The following INTS6 variants were observed in gnomAD, a reference collection of about 807,000 sequenced individuals.
The protein encoded by INTS6 is DEAD box protein.
Under a neutral mutation model 104.9 loss-of-function variants are expected in INTS6, and 16 were observed. That is an observed-to-expected ratio of 0.15 (90% CI 0.10 to 0.23). The LOEUF (loss-of-function observed/expected upper bound fraction) is 0.23. Ranked by LOEUF, INTS6 falls within the 10% of genes least tolerant of loss-of-function variation. The pLI, the probability that INTS6 is intolerant of heterozygous loss-of-function variation, is 1.00. For missense variants in INTS6, 584 were observed against 1,062.8 expected (o/e 0.55, Z 6.26); for synonymous variants, 324 against 358.7 (o/e 0.90, Z 1.09).
At chr13:51,429,454 T>C (rs111888617) in intron 4 of INTS6, among the ~76,000 whole-genome samples, 5 of 152,078 alleles carry the variant, frequency 3.3e-5, no homozygotes, top group East Asian at 3.9e-4. Flanking sequence ...TGCTGTAGAA[T>C]AGATAAGGTT....
At chr13:51,373,775 T>G (rs1436343708) in intron 15 of INTS6, among the ~76,000 whole-genome samples, 1 of 152,180 alleles carries the variant, frequency 6.6e-6, no homozygotes, top group African/African-American at 2.4e-5. Context: ...ACTTCCAATA[T>G]CTGTTCAATG....
intron 2 of INTS6, 124 bp downstream of exon 2, chr13:51,451,854 G>A (rs890500867): frequency 1.6e-6 from 1 of 611,134 alleles, no homozygotes; most frequent in Admixed American, 2.3e-5. Flanking sequence ...AGAGACCTCA[G>A]CGGCTGGGAG....
chr13:51,345,087 A>C, the INTS6 span, among the ~76,000 whole-genome samples: 1 of 152,138 alleles, frequency 6.6e-6, no homozygotes, highest in Non-Finnish European at 1.5e-5. Context: ...ACGTTTACTG[A>C]GTGTTTAGTT....
intron 3 of INTS6, among the ~76,000 whole-genome samples, chr13:51,433,037 C>A (rs748067678): frequency 2.0e-5 from 3 of 152,222 alleles, no homozygotes; most frequent in Non-Finnish European, 2.9e-5. Flanking sequence ...AGCTAAACTA[C>A]TTTTGTTGAC....
chr13:51,358,787 G>A (rs1955518871), downstream of INTS6, among the ~76,000 whole-genome samples: 2 of 152,040 alleles, frequency 1.3e-5, no homozygotes, highest in Admixed American at 1.3e-4. Context: ...CCAGGAGGGA[G>A]GGTAGGAAGA....
At chr13:51,400,059 T>C (rs1460880492) in intron 4 of INTS6, among the ~76,000 whole-genome samples, 2 of 152,220 alleles carry the variant, frequency 1.3e-5, no homozygotes, top group Non-Finnish European at 2.9e-5. Flanking sequence ...TAGATTCTCA[T>C]AGGAGCATGA....
chr13:51,445,378 T>C (rs557634697), intron 3 of INTS6: 2 of 152,298 alleles, frequency 1.3e-5, no homozygotes, highest in Non-Finnish European at 2.9e-5. Context: ...GTTTAAAGCA[T>C]GTAATAATCA....
intron 3 of INTS6, among the ~76,000 whole-genome samples, chr13:51,430,831 G>A (rs1212988843): frequency 2.6e-5 from 4 of 152,088 alleles, no homozygotes; most frequent in Non-Finnish European, 4.4e-5. Flanking sequence ...GCATGTAATC[G>A]AAATGTCTAA....
At chr13:51,378,587 GT>G (rs1955981543) in intron 11 of INTS6, 133 bp from the exon 12 acceptor site, 1 of 439,634 alleles carries the variant, frequency 2.3e-6, no homozygotes. Context: ...AAGTAGCATA[GT>G]TTATGTCAAG....
At chr13:51,451,831 G>C in intron 2 of INTS6, 147 bp downstream of exon 2, 1 of 448,004 alleles carries the variant, frequency 2.2e-6, no homozygotes, top group Non-Finnish European at 4.0e-6. Context: ...GAGGGGGTGG[G>C]AGCCCGCAGG....
chr13:51,424,554 T>A (rs542430496), intron 4 of INTS6, among the ~76,000 whole-genome samples: 2 of 152,004 alleles, frequency 1.3e-5, no homozygotes, highest in Admixed American at 1.3e-4. Flanking sequence ...AATCCAGGGG[T>A]TGAGAGAACA....
chr13:51,338,130 TAC>T, the INTS6 span, among the ~76,000 whole-genome samples: 1 of 152,202 alleles, frequency 6.6e-6, no homozygotes, highest in Non-Finnish European at 1.5e-5. Flanking sequence ...TTGTAGAAGT[TAC>T]ACAAACAACC....
chr13:51,340,262 G>A, the INTS6 span, among the ~76,000 whole-genome samples: 360 of 152,256 alleles, frequency 2.4e-3, 1 homozygote, highest in Non-Finnish European at 4.3e-3. Context: ...TGGCATGGTC[G>A]TTGAAAACAT....
rs1416097181 is a variant in INTS6 at position 51,387,286 on chromosome 13, AT to A, written c.894+99del. The A allele has an allele frequency of 1.3e-5, 14 of 1,112,378 alleles. No individual in the cohort carries two copies. In the African/African-American group the frequency reaches 2.1e-4, roughly 16 times the overall value. 68.9% of individuals were successfully genotyped at this position (1,112,378 alleles called of 1,614,324 possible). On this transcript the variant is annotated intron_variant, in intron 7 of 17. Coordinates refer to ENST00000311234, the MANE Select transcript of INTS6 (RefSeq NM_012141.3). Reference sequence around the variant, plus strand: ...TCATAGCACTTTGAACATCTGTCTAATCCCCATAAATTAATCACAGCTTTGA... The same window carrying A: ...TCATAGCACTTTGAACATCTGTCTAACCCCATAAATTAATCACAGCTTTGA...
rs556281449 is a variant in INTS6, at chr13:51,399,795, A to G, written c.430-4312T>C. 2.0e-5 allele frequency among the ~76,000 whole-genome samples: 3 copies of G among 152,212 alleles called. No homozygotes were observed. The East Asian group carries it at 5.8e-4, about 29-fold the overall frequency. On this transcript the variant is annotated intron_variant, in intron 4 of 17. Transcript: ENST00000311234. ...GTTTATGGAAGTGGAATACCTTTTC[A>G]TACGCTTATTGGCCATTTCAACGTG... is the stretch of plus-strand genomic sequence containing the variant.
At chr13:51,425,276 C>T (rs971701846) in intron 4 of INTS6, among the ~76,000 whole-genome samples, 1 of 152,180 alleles carries the variant, frequency 6.6e-6, no homozygotes, top group East Asian at 1.9e-4. Context: ...TTTGAATACA[C>T]AGCTGAGACT....
Position 51,374,339 on chromosome 13 carries a change from C to T in INTS6, c.1973G>A (p.Arg658Gln), listed in dbSNP as rs1275026367. The change falls in exon 15 of 18, where the codon CGG becomes CAG. Residue 658 changes from arginine to glutamine, a missense_variant. Coordinates refer to ENST00000311234, the MANE Select transcript of INTS6 (RefSeq NM_012141.3). ...PNMQGIPKRR[R>Q]CMSPLLRGRQ... The stretch of plus-strand genomic sequence containing the variant: ...GCCTCTTAGTAGTGGAGACATACAC[C>T]GACGTCTTTTAGGGATCCCTTGCAT... 6.2e-7 allele frequency: 1 copy of T among 1,614,018 alleles called. No individual in the cohort carries two copies. Among genetic ancestry groups the T allele is most frequent in the Non-Finnish European group, 8.5e-7 (1 of 1,179,954 alleles).
chr13:51,428,331 T>C (rs1038413385), intron 4 of INTS6, among the ~76,000 whole-genome samples: 3 of 150,362 alleles, frequency 2.0e-5, no homozygotes, highest in Admixed American at 6.6e-5. Context: ...TTTTTCTTTT[T>C]TTTTTTTTTT....
chr13:51,348,278 G>GT, the INTS6 span: 1 of 1,610,930 alleles, frequency 6.2e-7, no homozygotes, highest in Admixed American at 1.7e-5. Context: ...GGGAAGTGCA[G>GT]TGAGTCTGTT....
Sources: allele counts gnomAD v4.1 joint callset (sites outside exome capture counted in the v4.1 genomes callset), GRCh38; gene constraint gnomAD v4.1.1; transcripts MANE v1.5; gene names NCBI Gene and HGNC (gene_info 2026-07-23, HGNC 2026-07-21).